CAMTA1: variants seen among roughly 807,000 people sequenced by gnomAD.
CAMTA1 encodes calmodulin-binding transcription activator 1.
In CAMTA1, 27 loss-of-function variants were observed where a neutral mutation model predicts 170.9. The ratio of observed to expected loss-of-function variants is 0.16; its 90% CI spans 0.12 to 0.22. The LOEUF is 0.22. Ranked by LOEUF, CAMTA1 falls within the 10% of genes least tolerant of loss-of-function variation. CAMTA1 has a pLI of 1.00. For missense variants in CAMTA1, 1,619 were observed against 2,217.2 expected (o/e 0.73, Z 5.42); for synonymous variants, 833 against 891.5 (o/e 0.93, Z 1.17).
At chr1:7,035,066 G>C (rs1175893848) in intron 3 of CAMTA1, among the ~76,000 whole-genome samples, 1 of 152,144 alleles carries the variant, frequency 6.6e-6, no homozygotes, top group Non-Finnish European at 1.5e-5. Context: ...AGAAGTGATG[G>C]TAAAGACCAC....
chr1:6,872,199 T>G (rs1433397868), intron 3 of CAMTA1: 1 of 168,910 alleles, frequency 5.9e-6, no homozygotes, highest in Non-Finnish European at 1.3e-5. Flanking sequence ...CCCAAACCAT[T>G]GCCCCTCACC....
At chr1:7,428,233 C>T (rs2091965766) in intron 5 of CAMTA1, among the ~76,000 whole-genome samples, 1 of 152,150 alleles carries the variant, frequency 6.6e-6, no homozygotes, top group Non-Finnish European at 1.5e-5. Flanking sequence ...TTGTCTCTTG[C>T]ACACTGGAAG....
intron 4 of CAMTA1, among the ~76,000 whole-genome samples, chr1:7,181,741 T>G (rs973145829): frequency 6.8e-6 from 1 of 146,934 alleles, no homozygotes; most frequent in Admixed American, 6.8e-5. Flanking sequence ...AAGACATCCC[T>G]TGATTTTGGA....
At chr1:7,496,552 G>C (rs1188005628) in intron 6 of CAMTA1, among the ~76,000 whole-genome samples, 4 of 152,198 alleles carry the variant, frequency 2.6e-5, no homozygotes. Context: ...TACCCAGGTG[G>C]CTGCAACGCC....
At chr1:6,863,804 A>C (rs1665639753) in intron 3 of CAMTA1, among the ~76,000 whole-genome samples, 2 of 152,322 alleles carry the variant, frequency 1.3e-5, no homozygotes, top group African/African-American at 4.8e-5. Flanking sequence ...CACTTCATTC[A>C]GATTTCCTTA....
At chr1:7,138,912 T>A (rs1645702278) in intron 4 of CAMTA1, among the ~76,000 whole-genome samples, 1 of 151,180 alleles carries the variant, frequency 6.6e-6, no homozygotes. Flanking sequence ...GGAGAATTGC[T>A]TGAACCCAGG....
At chr1:7,493,128 A>C (rs2093754144) in intron 6 of CAMTA1, among the ~76,000 whole-genome samples, 1 of 145,042 alleles carries the variant, frequency 6.9e-6, no homozygotes. Flanking sequence ...GCGCACACAC[A>C]GACATACAAA....
chr1:7,555,642 G>A (rs368380157), intron 6 of CAMTA1, among the ~76,000 whole-genome samples: 2 of 152,104 alleles, frequency 1.3e-5, no homozygotes, highest in Admixed American at 1.3e-4. Context: ...TGGCTCCCAC[G>A]GAGCTCCAGG....
chr1:7,613,709 G>A (rs1309716350), intron 6 of CAMTA1, among the ~76,000 whole-genome samples: 1 of 151,594 alleles, frequency 6.6e-6, no homozygotes, highest in Non-Finnish European at 1.5e-5. Context: ...CTCTCAGCCT[G>A]AGGAGAGCGA....
intron 22 of CAMTA1, 97 bp downstream of exon 22, chr1:7,755,765 G>A: frequency 1.0e-6 from 1 of 974,094 alleles, no homozygotes; most frequent in Non-Finnish European, 1.7e-6. Flanking sequence ...AGGTATGCCA[G>A]TAAGTTTCAC....
At chr1:7,078,184 G>A (rs370059913) in intron 3 of CAMTA1, among the ~76,000 whole-genome samples, 7 of 152,200 alleles carry the variant, frequency 4.6e-5, no homozygotes, top group African/African-American at 1.7e-4. Flanking sequence ...CACTTTCTAC[G>A]CACATAGAAT....
intron 6 of CAMTA1, among the ~76,000 whole-genome samples, chr1:7,486,229 G>A (rs921618363): frequency 4.6e-5 from 7 of 152,196 alleles, no homozygotes; most frequent in Middle Eastern, 3.2e-3. Context: ...GGCTCTCCAG[G>A]AGAAAGAAAA....
At chr1:7,422,696 T>G (rs1475934725) in intron 5 of CAMTA1, among the ~76,000 whole-genome samples, 2 of 152,158 alleles carry the variant, frequency 1.3e-5, no homozygotes, top group African/African-American at 4.8e-5. Context: ...GGGGCCAGGC[T>G]GTGAACGCTG....
intron 4 of CAMTA1, among the ~76,000 whole-genome samples, chr1:7,111,206 C>A (rs1011711767): frequency 6.6e-6 from 1 of 152,204 alleles, no homozygotes; most frequent in African/African-American, 2.4e-5. Context: ...AATCTGAAAT[C>A]ATCTCCCCAT....
intron 3 of CAMTA1, among the ~76,000 whole-genome samples, chr1:7,032,878 A>G (rs139078903): frequency 3.3e-5 from 5 of 152,148 alleles, no homozygotes; most frequent in East Asian, 3.9e-4. Flanking sequence ...AAGTTTCTCT[A>G]TGTCTTCTGG....
rs1679164236 is a variant in CAMTA1, at chr1:7,325,666, G to A, written c.438+76040G>A. Among the ~76,000 whole-genome samples, 1 of 152,302 alleles carries A rather than the reference G, an allele frequency of 6.6e-6. No individual in the cohort carries two copies. Among genetic ancestry groups the A allele is most frequent in the East Asian group, 1.9e-4 (1 of 5,184 alleles). ...TGCATGTTTTTGTCTTGAGCACCTAGAAGAATAGAGTGGGCAGTAACTGAG... is the reference window on the plus strand; with the variant it reads ...TGCATGTTTTTGTCTTGAGCACCTAAAAGAATAGAGTGGGCAGTAACTGAG... On this transcript the variant is annotated intron_variant, in intron 5 of 22. Coordinates refer to ENST00000303635, the MANE Select transcript of CAMTA1 (RefSeq NM_015215.4). This position sits in a 1 kb window ranked among gnomAD's most constrained non-coding sequence, Gnocchi z 5.0.
chr1:7,417,378 G>C (rs1158797762), intron 5 of CAMTA1, among the ~76,000 whole-genome samples: 1 of 152,210 alleles, frequency 6.6e-6, no homozygotes, highest in Non-Finnish European at 1.5e-5. Context: ...CCCAGAGGTG[G>C]AGTCTACAGA....
At position 7,642,334 on chromosome 1, in the gene CAMTA1, G is replaced by C. The variant is rs956021371; in HGVS notation, c.664+1781G>C. On this transcript the variant is annotated intron_variant, in intron 7 of 22. Transcript: ENST00000303635. The surrounding 1 kb of genome is among the most constrained non-coding windows in gnomAD (Gnocchi z 6.3). ...CCCTGGAAATAGCCCTGGAATGGTG[G>C]GGGGGAAGGGACCTGCCCAGGGTCC... is the stretch of plus-strand genomic sequence containing the variant. Among the ~76,000 whole-genome samples the C allele has an allele frequency of 1.1e-4, 16 of 152,170 alleles. No homozygotes were observed. The highest frequency in any genetic ancestry group is 5.9e-4 in the Admixed American group (9 of 15,280).
rs115685869 is a variant in CAMTA1, at chr1:6,860,413, T to G, written c.234+35203T>G. 7.7e-3 allele frequency among the ~76,000 whole-genome samples: 1,180 copies of G among 152,334 alleles called. 14 individuals carry two copies. Among genetic ancestry groups the G allele is most frequent in the African/African-American group, 0.027 (1,124 of 41,582 alleles). ...GGTTATTATTGAGTCATTGATCATT[T>G]TCTACTGATTTGAGATGTTGCCATT... On this transcript the variant is annotated intron_variant, in intron 3 of 22. Coordinates refer to ENST00000303635, the MANE Select transcript of CAMTA1 (RefSeq NM_015215.4).
Sources: allele counts gnomAD v4.1 joint callset (sites outside exome capture counted in the v4.1 genomes callset), GRCh38; gene constraint gnomAD v4.1.1; non-coding constraint Gnocchi (gnomAD v3.1); transcripts MANE v1.5; gene names NCBI Gene and HGNC (gene_info 2026-07-23, HGNC 2026-07-21).